The following TP63 variants were observed in gnomAD, a reference collection of about 807,000 sequenced individuals.
TP63 encodes the protein tumor protein p63, also known as tumor protein 63.
TP63 carries 17 observed loss-of-function variants against 82.8 expected under a neutral mutation model. That is an observed-to-expected ratio of 0.21 (90% CI 0.14 to 0.31). TP63 has a LOEUF of 0.31. Among genes scored for constraint, TP63 ranks in the 10% least tolerant of loss-of-function variants. The pLI is 1.00. For synonymous variants in TP63, 330 were observed against 321.7 expected (o/e 1.03, Z -0.28); for missense variants, 648 against 895.3 (o/e 0.72, Z 3.52).
chr3:189,881,012 A>G, intron 10 of TP63: 5 of 985,376 alleles, frequency 5.1e-6, no homozygotes, highest in Non-Finnish European at 6.0e-6. Flanking sequence ...CCCCAGTAAT[A>G]TTGCCCTTAC....
At chr3:189,734,553 T>C (rs989895503) in intron 1 of TP63, among the ~76,000 whole-genome samples, 7 of 152,196 alleles carry the variant, frequency 4.6e-5, no homozygotes, top group African/African-American at 1.4e-4. Context: ...GGTTGGGAGA[T>C]GACAAATTCA....
At chr3:189,840,430 G>A (rs1300620999) in intron 4 of TP63, among the ~76,000 whole-genome samples, 1 of 120,656 alleles carries the variant, frequency 8.3e-6, no homozygotes, top group African/African-American at 3.1e-5. Context: ...CAGGCAAACA[G>A]TATTAAACAC....
At chr3:189,622,236 T>G in the TP63 span, among the ~76,000 whole-genome samples, 15 of 152,336 alleles carry the variant, frequency 9.8e-5, no homozygotes, top group African/African-American at 3.1e-4. Context: ...GTTATCCTGC[T>G]AACTGGACCA....
chr3:189,600,009 T>C, the TP63 span, among the ~76,000 whole-genome samples: 34 of 152,342 alleles, frequency 2.2e-4, no homozygotes, highest in African/African-American at 7.5e-4. Flanking sequence ...ATGGATACTA[T>C]ACCATTTCAA....
At chr3:189,818,224 G>A (rs1728406789) in intron 4 of TP63, among the ~76,000 whole-genome samples, 1 of 151,712 alleles carries the variant, frequency 6.6e-6, no homozygotes. Context: ...GAAAAATCAT[G>A]TTTTCCCATA....
At chr3:189,606,513 T>C in the TP63 span, among the ~76,000 whole-genome samples, 2 of 140,322 alleles carry the variant, frequency 1.4e-5, no homozygotes, top group African/African-American at 5.4e-5. Context: ...CCATTTTTTT[T>C]TTTTTTTTTT....
At chr3:189,728,030 G>A (rs1719892785) in intron 1 of TP63, among the ~76,000 whole-genome samples, 1 of 152,126 alleles carries the variant, frequency 6.6e-6, no homozygotes, top group African/African-American at 2.4e-5. Context: ...TGTTTGTGGA[G>A]TTAGTACAGT....
chr3:189,826,465 A>G (rs1318109901), intron 4 of TP63, among the ~76,000 whole-genome samples: 1 of 152,204 alleles, frequency 6.6e-6, no homozygotes, highest in East Asian at 1.9e-4. Flanking sequence ...CTGGCATTCC[A>G]AGACACATAC....
At chr3:189,887,469 C>T (rs1427899979) in intron 11 of TP63, among the ~76,000 whole-genome samples, 1 of 152,094 alleles carries the variant, frequency 6.6e-6, no homozygotes, top group African/African-American at 2.4e-5. Flanking sequence ...TTCCTCATAT[C>T]AGCTAAGTAC....
chr3:189,846,682 C>CTTTTTTTT (rs1204688713), intron 4 of TP63, among the ~76,000 whole-genome samples: 1 of 70,628 alleles, frequency 1.4e-5, no homozygotes, highest in Non-Finnish European at 2.4e-5. Flanking sequence ...TTTCCACATT[C>CTTTTTTTT]TTTTTTTTTT....
chr3:189,616,761 G>A, the TP63 span, among the ~76,000 whole-genome samples: 1 of 152,126 alleles, frequency 6.6e-6, no homozygotes, highest in Non-Finnish European at 1.5e-5. Flanking sequence ...AGAGCCTCAC[G>A]GTCAAGTTTT....
intron 1 of TP63, among the ~76,000 whole-genome samples, chr3:189,695,793 A>G (rs746197522): frequency 3.3e-5 from 5 of 152,216 alleles, no homozygotes; most frequent in Non-Finnish European, 7.3e-5. Context: ...CACAGTGTAC[A>G]TATATAGTGG....
intron 1 of TP63, among the ~76,000 whole-genome samples, chr3:189,729,144 G>A (rs1719980131): frequency 6.6e-6 from 1 of 152,166 alleles, no homozygotes; most frequent in Non-Finnish European, 1.5e-5. Flanking sequence ...GAGGTTTAGT[G>A]GGATGGGGAG....
At chr3:189,869,846 G>A (rs1448402906) in intron 9 of TP63, among the ~76,000 whole-genome samples, 1 of 151,886 alleles carries the variant, frequency 6.6e-6, no homozygotes, top group Non-Finnish European at 1.5e-5. Context: ...TGTGAACTTT[G>A]GAAGGACAGA....
chr3:189,689,761 G>A lies in TP63; in HGVS notation c.63-47979G>A, dbSNP rs192802708. On this transcript the variant is annotated intron_variant, in intron 1 of 13. Transcript: ENST00000264731. ...TTAATTGTCTTAAGGCCATACATAA[G>A]AGGAGTTTCTGTCTTGACTTGTTGG... 4.6e-5 allele frequency among the ~76,000 whole-genome samples: 7 copies of A among 152,292 alleles called. No individual in the cohort carries two copies. The East Asian group carries it at 1.2e-3, about 25-fold the overall frequency.
the TP63 span, among the ~76,000 whole-genome samples, chr3:189,605,824 A>G: frequency 6.6e-6 from 1 of 152,346 alleles, no homozygotes; most frequent in South Asian, 2.1e-4. Flanking sequence ...GATAAGCACT[A>G]AGAGATATGA....
At chr3:189,655,396 G>A (rs9847745) in intron 1 of TP63, among the ~76,000 whole-genome samples, 69,327 of 152,010 alleles carry the variant, frequency 0.46, 16,190 homozygotes, top group East Asian at 0.68. Flanking sequence ...AGGCCGAGGC[G>A]GGTGCATCAC....
the TP63 span, among the ~76,000 whole-genome samples, chr3:189,600,258 C>A: frequency 1.3e-5 from 2 of 152,126 alleles, no homozygotes; most frequent in Non-Finnish European, 2.9e-5. Flanking sequence ...GGATTCTAAT[C>A]CTAATTCTGT....
chr3:189,755,598 A>G (rs1449142670), intron 3 of TP63, among the ~76,000 whole-genome samples: 1 of 152,162 alleles, frequency 6.6e-6, no homozygotes, highest in African/African-American at 2.4e-5. Context: ...GTCTACTCAC[A>G]TGTTTTTAAG....
Sources: gnomAD v4.1 joint callset for allele counts (sites outside exome capture counted in the v4.1 genomes callset) on GRCh38, gnomAD v4.1.1 for gene constraint, MANE v1.5 for transcripts, NCBI Gene and HGNC (gene_info 2026-07-23, HGNC 2026-07-21) for gene names.